Variants in SLC26A8 observed in about 807,000 individuals in gnomAD.
SLC26A8 encodes the protein solute carrier family 26 member 8.
SLC26A8 carries 70 observed loss-of-function variants against 105.0 expected under a neutral mutation model. The observed-to-expected ratio is 0.67, with a 90% CI of 0.55 to 0.81. The LOEUF is 0.81. SLC26A8 is among the 40% of genes least tolerant of loss of function. The pLI, the probability that SLC26A8 is intolerant of heterozygous loss-of-function variation, is 0.00. For missense variants in SLC26A8, 998 were observed against 1,181.8 expected (o/e 0.84, Z 2.28); for synonymous variants, 415 against 438.3 (o/e 0.95, Z 0.66).
intron 5 of SLC26A8, 24 bp from the exon 6 acceptor site, chr6:35,992,698 T>G: frequency 1.3e-6 from 2 of 1,574,234 alleles, no homozygotes; most frequent in Non-Finnish European, 1.7e-6. Context: ...AAAACCAGAG[T>G]GGGGTAGAAT....
chr6:35,995,576 C>T (rs980101908), intron 5 of SLC26A8, among the ~76,000 whole-genome samples: 2 of 152,148 alleles, frequency 1.3e-5, no homozygotes, highest in African/African-American at 2.4e-5. Flanking sequence ...AGCTATGTGA[C>T]CTTGGGCAAT....
In SLC26A8 at chr6:36,000,042, C is replaced by G. The variant is rs1761475517; in HGVS notation, c.395G>C (p.Cys132Ser). The G allele has an allele frequency of 1.2e-6, 2 of 1,614,060 alleles. No homozygotes were observed. Among genetic ancestry groups the G allele is most frequent in the East Asian group, 2.2e-5 (1 of 44,866 alleles). Reference sequence around the variant, plus strand: ...AAAAATTACATAGATTACCGAAGAACAGAAAGCTGCATAAGCGATGTTGAG... The same window carrying G: ...AAAAATTACATAGATTACCGAAGAAGAGAAAGCTGCATAAGCGATGTTGAG... ...PPLNIAYAAFCSSVIYVIFGS... is the reference protein window; with the variant it reads ...PPLNIAYAAFSSSVIYVIFGS... Residue 132 changes from cysteine (C) to serine (S), a missense_variant, in exon 4 of 20, where the codon TGT (cysteine) becomes TCT (serine). Coordinates refer to ENST00000490799, the MANE Select transcript of SLC26A8 (RefSeq NM_052961.4).
intron 19 of SLC26A8, among the ~76,000 whole-genome samples, chr6:35,948,387 G>A (rs368431570): frequency 3.3e-5 from 5 of 152,064 alleles, no homozygotes; most frequent in South Asian, 2.1e-4. Context: ...TCAGGAGTTC[G>A]AGACCAGCCT....
intron 4 of SLC26A8, among the ~76,000 whole-genome samples, chr6:35,998,637 A>C (rs1443596634): frequency 6.6e-6 from 1 of 150,902 alleles, no homozygotes; most frequent in Non-Finnish European, 1.5e-5. Flanking sequence ...ACACTGAGGT[A>C]AATTAAACTT....
chr6:35,999,878 C>T lies in SLC26A8; in HGVS notation c.445+114G>A, dbSNP rs894736504. ...ACTAACTGTATGGATAGAATGTCCA[C>T]CTCCTGCCTCCTTTCTTTCTATCTT... On this transcript the variant is annotated intron_variant, in intron 4 of 19. Transcript: ENST00000490799. The T allele has an allele frequency of 7.3e-6, 5 of 685,892 alleles. No individual in the cohort carries two copies. The African/African-American group carries it at 8.9e-5, about 12-fold the overall frequency. The allele number at this position is 685,892 out of a possible 1,614,324, so 42.5% of individuals were successfully genotyped here.
At chr6:35,970,472 T>C (rs1772748630) in intron 10 of SLC26A8, among the ~76,000 whole-genome samples, 1 of 152,198 alleles carries the variant, frequency 6.6e-6, no homozygotes, top group Admixed American at 6.6e-5. Context: ...CAGAAAGCTC[T>C]GATGGCAAAC....
intron 9 of SLC26A8, among the ~76,000 whole-genome samples, chr6:35,975,913 C>CAAA (rs34783824): frequency 9.4e-4 from 76 of 80,982 alleles, no homozygotes; most frequent in African/African-American, 3.3e-3. Flanking sequence ...AACTCCATCT[C>CAAA]AAAAAAAAAA....
intron 11 of SLC26A8, among the ~76,000 whole-genome samples, chr6:35,966,888 A>C (rs992294786): frequency 6.6e-6 from 1 of 152,204 alleles, no homozygotes; most frequent in East Asian, 1.9e-4. Flanking sequence ...ACGTGTTTAT[A>C]ATAAAGGAGT....
chr6:36,014,645 G>C (rs1401638643), intron 2 of SLC26A8, among the ~76,000 whole-genome samples: 1 of 152,126 alleles, frequency 6.6e-6, no homozygotes, highest in Admixed American at 6.5e-5. Context: ...ACTTTGGGAG[G>C]CCAAGGCGGG....
chr6:36,017,097 G>A (rs1435626728), intron 2 of SLC26A8, among the ~76,000 whole-genome samples: 1 of 152,054 alleles, frequency 6.6e-6, no homozygotes, highest in African/African-American at 2.4e-5. Context: ...CTTGAACTTG[G>A]GAGGTGGAGG....
intron 3 of SLC26A8, among the ~76,000 whole-genome samples, 179 bp from the exon 4 acceptor site, chr6:36,000,287 G>C (rs893226448): frequency 1.9e-4 from 29 of 152,102 alleles, no homozygotes; most frequent in Admixed American, 1.4e-3. Flanking sequence ...TTGATTCCTA[G>C]CTTCTCTTCC....
chr6:35,978,051 ACT>A (rs1435812932), intron 8 of SLC26A8, among the ~76,000 whole-genome samples: 1 of 147,272 alleles, frequency 6.8e-6, no homozygotes, highest in East Asian at 2.0e-4. Flanking sequence ...GTGCCACTGC[ACT>A]CTAGCCTGGG....
At chr6:36,021,946 C>T (rs55876173) in intron 1 of SLC26A8, among the ~76,000 whole-genome samples, 3,945 of 149,408 alleles carry the variant, frequency 0.026, 163 homozygotes, top group African/African-American at 0.091. Context: ...TGGGATTACA[C>T]GCGTGAGCCA....
At chr6:36,008,044 C>T (rs185884536) in intron 3 of SLC26A8, among the ~76,000 whole-genome samples, 1,970 of 148,338 alleles carry the variant, frequency 0.013, 27 homozygotes, top group South Asian at 0.02. Context: ...GGCATGAACT[C>T]GGGAGGCGGA....
chr6:35,990,285 AT>A, intron 7 of SLC26A8: 3 of 280,422 alleles, frequency 1.1e-5, no homozygotes, highest in Non-Finnish European at 2.1e-5. Flanking sequence ...ATACATGTCC[AT>A]TTTTGAGGCC....
At chr6:35,980,224 C>T (rs1363835364) in intron 8 of SLC26A8, among the ~76,000 whole-genome samples, 1 of 152,210 alleles carries the variant, frequency 6.6e-6, no homozygotes, top group Non-Finnish European at 1.5e-5. Context: ...CCACCTGCCT[C>T]AGCTTCCCAA....
intron 7 of SLC26A8, 113 bp from the exon 8 acceptor site, chr6:35,982,316 C>T (rs1773305382): frequency 1.0e-6 from 1 of 958,788 alleles, no homozygotes; most frequent in Non-Finnish European, 1.6e-6. Flanking sequence ...ATGAAACAGG[C>T]AGCAGTCCCT....
At chr6:36,013,270 C>T (rs1276660175) in intron 2 of SLC26A8, among the ~76,000 whole-genome samples, 1 of 151,374 alleles carries the variant, frequency 6.6e-6, no homozygotes, top group African/African-American at 2.4e-5. Context: ...AATCTTGGCT[C>T]ACTGCAGCCT....
chr6:36,003,148 G>C (rs1387637742), intron 3 of SLC26A8, among the ~76,000 whole-genome samples: 1 of 152,124 alleles, frequency 6.6e-6, no homozygotes, highest in Non-Finnish European at 1.5e-5. Flanking sequence ...GGATCATAAA[G>C]ATATTCTCTT....
Sources: allele counts gnomAD v4.1 joint callset (sites outside exome capture counted in the v4.1 genomes callset), GRCh38; gene constraint gnomAD v4.1.1; transcripts MANE v1.5; gene names NCBI Gene and HGNC (gene_info 2026-07-23, HGNC 2026-07-21).